Variants in XKR4 observed in about 807,000 individuals in gnomAD.
The protein encoded by XKR4 is XK related 4.
Under a neutral mutation model 53.9 loss-of-function variants are expected in XKR4, and 12 were observed. The observed-to-expected ratio is 0.22, with a 90% CI of 0.14 to 0.36. The LOEUF (loss-of-function observed/expected upper bound fraction) is 0.36. Ranked by LOEUF, XKR4 falls within the 10% of genes least tolerant of loss-of-function variation. XKR4 has a pLI of 1.00. For synonymous variants in XKR4, 354 were observed against 362.4 expected, an observed-to-expected ratio of 0.98 and a Z score of 0.26; for missense variants, 799 against 859.5, an observed-to-expected ratio of 0.93 and a Z score of 0.88.
At chr8:55,305,693 A>T (rs1819286547) in intron 1 of XKR4, among the ~76,000 whole-genome samples, 1 of 152,168 alleles carries the variant, frequency 6.6e-6, no homozygotes, top group Non-Finnish European at 1.5e-5. Context: ...CTGTATAAAT[A>T]TTAGGACTGA....
At chr8:55,193,596 G>A (rs986811069) in intron 1 of XKR4, among the ~76,000 whole-genome samples, 8 of 152,094 alleles carry the variant, frequency 5.3e-5, no homozygotes, top group African/African-American at 1.7e-4. Context: ...AGATCCCTTC[G>A]GGAGCAAGTT....
intron 1 of XKR4, among the ~76,000 whole-genome samples, chr8:55,298,996 T>A (rs565722256): frequency 6.6e-6 from 1 of 152,300 alleles, no homozygotes; most frequent in South Asian, 2.1e-4. Context: ...TGATTTACAG[T>A]CCACATTCTA....
chr8:55,515,727 A>G (rs916325205), intron 2 of XKR4, among the ~76,000 whole-genome samples: 1 of 152,146 alleles, frequency 6.6e-6, no homozygotes, highest in African/African-American at 2.4e-5. Flanking sequence ...AAAGAATCCA[A>G]AATTGATCCT....
At chr8:55,110,198 T>C (rs1261571836) in intron 1 of XKR4, among the ~76,000 whole-genome samples, 1 of 152,178 alleles carries the variant, frequency 6.6e-6, no homozygotes, top group Non-Finnish European at 1.5e-5. Flanking sequence ...TGTGTAATTG[T>C]TGTTGGAATT....
intron 2 of XKR4, among the ~76,000 whole-genome samples, chr8:55,473,332 C>A (rs996213134): frequency 6.6e-6 from 1 of 152,138 alleles, no homozygotes; most frequent in African/African-American, 2.4e-5. Context: ...TAGCCAATAT[C>A]TTCTCCCCTC....
At chr8:55,161,747 T>C in intron 1 of XKR4, 1 of 391,538 alleles carries the variant, frequency 2.6e-6, no homozygotes, top group South Asian at 1.9e-5. Context: ...TTACTGCACA[T>C]ACATTCATCA....
chr8:55,490,179 C>A (rs781243161), intron 2 of XKR4, among the ~76,000 whole-genome samples: 8 of 152,100 alleles, frequency 5.3e-5, no homozygotes, highest in Non-Finnish European at 1.2e-4. Flanking sequence ...ATTTATAGTG[C>A]CAATCTATGG....
At chr8:55,392,215 A>C (rs1201797245) in intron 2 of XKR4, among the ~76,000 whole-genome samples, 1 of 152,156 alleles carries the variant, frequency 6.6e-6, no homozygotes, top group Non-Finnish European at 1.5e-5. Flanking sequence ...AATAGTCCTG[A>C]TTGTCAAATG....
At position 55,326,137 on chromosome 8, in the gene XKR4, G is replaced by A. The variant is rs187799894; in HGVS notation, c.807-31541G>A. Among the ~76,000 whole-genome samples, 510 of 152,268 alleles carry A rather than the reference G, an allele frequency of 3.3e-3. 9 individuals are homozygous for A. Among genetic ancestry groups the A allele is most frequent in the Admixed American group, 0.029 (437 of 15,292 alleles). On this transcript the variant is annotated intron_variant, in intron 1 of 2. Transcript: ENST00000327381. ...TGACCTGATAATGAGGGGTATTTTG[G>A]AAGATAAATACAGAGGAAAGAATAC... is the stretch of plus-strand genomic sequence containing the variant.
At chr8:55,265,400 T>A (rs1381927899) in intron 1 of XKR4, among the ~76,000 whole-genome samples, 1 of 152,246 alleles carries the variant, frequency 6.6e-6, no homozygotes, top group Non-Finnish European at 1.5e-5. Flanking sequence ...GATCCCCATG[T>A]GGCTCCAAGG....
At chr8:55,324,478 G>A (rs1171455750) in intron 1 of XKR4, among the ~76,000 whole-genome samples, 2 of 152,152 alleles carry the variant, frequency 1.3e-5, no homozygotes, top group African/African-American at 2.4e-5. Flanking sequence ...TAGACACTGT[G>A]TACTGGTCCT....
intron 2 of XKR4, among the ~76,000 whole-genome samples, chr8:55,388,015 G>A (rs1003033934): frequency 1.3e-5 from 2 of 152,156 alleles, no homozygotes; most frequent in Non-Finnish European, 2.9e-5. Flanking sequence ...TGTAAGTTAG[G>A]ACAATTATCA....
intron 2 of XKR4, among the ~76,000 whole-genome samples, chr8:55,408,740 G>C (rs1281606181): frequency 6.6e-6 from 1 of 152,188 alleles, no homozygotes; most frequent in Non-Finnish European, 1.5e-5. Context: ...CGGGTGCGGT[G>C]GTTCGCGCCT....
At chr8:55,260,221 C>G (rs1333619072) in intron 1 of XKR4, among the ~76,000 whole-genome samples, 1 of 152,204 alleles carries the variant, frequency 6.6e-6, no homozygotes, top group African/African-American at 2.4e-5. Context: ...TAACCTGACT[C>G]TCTCAGAGAT....
intron 2 of XKR4, among the ~76,000 whole-genome samples, chr8:55,518,179 A>G (rs781296809): frequency 1.3e-5 from 2 of 152,192 alleles, no homozygotes; most frequent in Non-Finnish European, 2.9e-5. Context: ...ATTTCCACGA[A>G]TTCTTGTTTA....
At chr8:55,132,696 G>A (rs965655573) in intron 1 of XKR4, among the ~76,000 whole-genome samples, 1 of 152,190 alleles carries the variant, frequency 6.6e-6, no homozygotes, top group Non-Finnish European at 1.5e-5. Context: ...TAACTTCAAG[G>A]TGGTGTGGCT....
chr8:55,228,979 T>C (rs1174437833), intron 1 of XKR4, among the ~76,000 whole-genome samples: 2 of 152,222 alleles, frequency 1.3e-5, no homozygotes, highest in African/African-American at 4.8e-5. Context: ...ATTCAACTGA[T>C]GTTTTTCTAA....
chr8:55,420,773 C>T (rs1422000666), intron 2 of XKR4, among the ~76,000 whole-genome samples: 2 of 148,394 alleles, frequency 1.3e-5, no homozygotes, highest in African/African-American at 2.5e-5. Flanking sequence ...TACCCTAAAA[C>T]TTAAAGTATA....
intron 1 of XKR4, among the ~76,000 whole-genome samples, chr8:55,294,412 C>T (rs781259583): frequency 2.6e-5 from 4 of 152,190 alleles, no homozygotes; most frequent in Non-Finnish European, 5.9e-5. Flanking sequence ...ACCTTTTCAG[C>T]ACACACGCTA....
Sources: gnomAD v4.1 joint callset for allele counts (sites outside exome capture counted in the v4.1 genomes callset) on GRCh38, gnomAD v4.1.1 for gene constraint, MANE v1.5 for transcripts, NCBI Gene and HGNC (gene_info 2026-07-23, HGNC 2026-07-21) for gene names.